The following BAZ1B variants were observed in gnomAD, a reference collection of about 807,000 sequenced individuals.
BAZ1B encodes bromodomain adjacent to zinc finger domain 1B.
BAZ1B carries 22 observed loss-of-function variants against 153.8 expected under a neutral mutation model. That is an observed-to-expected ratio of 0.14 (90% CI 0.10 to 0.20). The LOEUF is 0.20. Among genes scored for constraint, BAZ1B ranks in the 10% least tolerant of loss-of-function variants. The pLI, the probability that BAZ1B is intolerant of heterozygous loss-of-function variation, is 1.00. For missense variants in BAZ1B, 1,325 were observed against 1,799.3 expected, an observed-to-expected ratio of 0.74 and a Z score of 4.77; for synonymous variants, 676 against 633.4, an observed-to-expected ratio of 1.07 and a Z score of -1.01.
chr7:73,443,403 A>G (rs968896033), intron 17 of BAZ1B, among the ~76,000 whole-genome samples: 1 of 152,192 alleles, frequency 6.6e-6, no homozygotes, highest in Non-Finnish European at 1.5e-5. Flanking sequence ...GATTCACAGC[A>G]GAGGCCACAG....
At chr7:73,449,484 A>G in intron 15 of BAZ1B, 58 bp downstream of exon 15, 3 of 1,535,506 alleles carry the variant, frequency 2.0e-6, no homozygotes, top group Non-Finnish European at 2.6e-6. Context: ...CTCAAGCTTA[A>G]TTATAACAGC....
intron 2 of BAZ1B, among the ~76,000 whole-genome samples, chr7:73,510,082 G>A (rs782407026): frequency 3.9e-4 from 59 of 151,542 alleles, no homozygotes; most frequent in African/African-American, 6.1e-4. Context: ...GGCCGAAATC[G>A]TGCCCCTGCA....
chr7:73,518,132 T>G (rs1790885423), intron 1 of BAZ1B, among the ~76,000 whole-genome samples: 1 of 151,928 alleles, frequency 6.6e-6, no homozygotes, highest in Admixed American at 6.6e-5. Context: ...CTGGGCGCAG[T>G]GGCTCACGTC....
intron 12 of BAZ1B, among the ~76,000 whole-genome samples, chr7:73,460,387 T>C (rs1303081933): frequency 3.3e-5 from 5 of 152,320 alleles, no homozygotes; most frequent in African/African-American, 1.2e-4. Flanking sequence ...AAAAATTCAC[T>C]GACTTTCCAT....
At chr7:73,448,564 G>A (rs1554567269) in intron 15 of BAZ1B, among the ~76,000 whole-genome samples, 1 of 152,170 alleles carries the variant, frequency 6.6e-6, no homozygotes. Context: ...GAGAATGGAG[G>A]TTCAGCTGAA....
chr7:73,456,236 A>C (rs1788192835), intron 13 of BAZ1B, among the ~76,000 whole-genome samples: 1 of 152,238 alleles, frequency 6.6e-6, no homozygotes, highest in Non-Finnish European at 1.5e-5. Context: ...CGTTCATGAC[A>C]CTGAATCTGG....
At chr7:73,460,520 C>T (rs1788360596) in intron 12 of BAZ1B, among the ~76,000 whole-genome samples, 1 of 152,032 alleles carries the variant, frequency 6.6e-6, no homozygotes, top group African/African-American at 2.4e-5. Flanking sequence ...AGATAGGTCT[C>T]ACTGGGTCAC....
intron 13 of BAZ1B, among the ~76,000 whole-genome samples, chr7:73,451,532 A>C (rs1336849996): frequency 6.6e-6 from 1 of 152,164 alleles, no homozygotes; most frequent in Non-Finnish European, 1.5e-5. Flanking sequence ...TACTAAACAG[A>C]CTGGGGAGAG....
At chr7:73,445,053 G>T (rs910325031) in intron 16 of BAZ1B, among the ~76,000 whole-genome samples, 2 of 151,318 alleles carry the variant, frequency 1.3e-5, no homozygotes. Context: ...ACACACAAAG[G>T]CACTGAGACT....
At chr7:73,451,866 G>T (rs1554568325) in intron 13 of BAZ1B, among the ~76,000 whole-genome samples, 1 of 152,170 alleles carries the variant, frequency 6.6e-6, no homozygotes, top group Non-Finnish European at 1.5e-5. Flanking sequence ...TTCTCTTCTT[G>T]AGAGGATAAC....
At chr7:73,479,775 G>A (rs1789130047) in intron 6 of BAZ1B, among the ~76,000 whole-genome samples, 1 of 151,856 alleles carries the variant, frequency 6.6e-6, no homozygotes, top group South Asian at 2.1e-4. Flanking sequence ...TTATTCTATT[G>A]TATCTACTTG....
At chr7:73,443,902 C>T in intron 17 of BAZ1B, 82 bp downstream of exon 17, 1 of 1,600,256 alleles carries the variant, frequency 6.2e-7, no homozygotes, top group Middle Eastern at 1.8e-4. Flanking sequence ...CCCCTCCCAC[C>T]TGTTGCCTGA....
At chr7:73,506,636 G>A (rs1300965895) in intron 3 of BAZ1B, among the ~76,000 whole-genome samples, 3 of 151,524 alleles carry the variant, frequency 2.0e-5, no homozygotes, top group Non-Finnish European at 2.9e-5. Context: ...CATATCACCC[G>A]AGGTCGAGAG....
chr7:73,517,769 T>C (rs181938045), intron 1 of BAZ1B, among the ~76,000 whole-genome samples: 1 of 152,344 alleles, frequency 6.6e-6, no homozygotes, highest in Non-Finnish European at 1.5e-5. Flanking sequence ...TAAGATATTT[T>C]CGAATCCTAG....
intron 1 of BAZ1B, among the ~76,000 whole-genome samples, chr7:73,517,771 G>A (rs1554579579): frequency 6.6e-6 from 1 of 152,124 alleles, no homozygotes; most frequent in South Asian, 2.1e-4. Flanking sequence ...AGATATTTTC[G>A]AATCCTAGAC....
At chr7:73,506,410 A>G (rs1285453842) in intron 3 of BAZ1B, among the ~76,000 whole-genome samples, 2 of 151,654 alleles carry the variant, frequency 1.3e-5, no homozygotes, top group African/African-American at 2.4e-5. Flanking sequence ...GAGGCAGGAG[A>G]ATGGCGTGAA....
chr7:73,462,856 C>A, intron 12 of BAZ1B, 66 bp downstream of exon 12: 1 of 1,551,898 alleles, frequency 6.4e-7, no homozygotes, highest in African/African-American at 1.4e-5. Context: ...TCAAGAACAG[C>A]ACCAGGGAAG....
intron 7 of BAZ1B, among the ~76,000 whole-genome samples, chr7:73,473,974 TAAAAA>T (rs1563378382): frequency 6.6e-6 from 1 of 151,974 alleles, no homozygotes; most frequent in Admixed American, 6.5e-5. Context: ...CAAAATAAAA[TAAAAA>T]AGAAAATGTT....
intron 13 of BAZ1B, among the ~76,000 whole-genome samples, chr7:73,457,612 G>A (rs1554569727): frequency 2.0e-5 from 3 of 152,272 alleles, no homozygotes; most frequent in East Asian, 3.9e-4. Context: ...GTCCTTCTCC[G>A]CAGACTAAAA....
Sources: allele counts gnomAD v4.1 joint callset (sites outside exome capture counted in the v4.1 genomes callset), GRCh38; gene constraint gnomAD v4.1.1; transcripts MANE v1.5; gene names NCBI Gene and HGNC (gene_info 2026-07-23, HGNC 2026-07-21).